The following PTPRQ variants were observed in gnomAD, a reference collection of about 807,000 sequenced individuals.
The protein encoded by PTPRQ is phosphatidylinositol phosphatase PTPRQ.
PTPRQ carries 199 observed loss-of-function variants against 246.0 expected under a neutral mutation model. That is an observed-to-expected ratio of 0.81 (90% CI 0.72 to 0.91). The LOEUF is 0.91. PTPRQ is among the 40% of genes least tolerant of loss of function. The pLI, the probability that PTPRQ is intolerant of heterozygous loss-of-function variation, is 0.00. For missense variants in PTPRQ, 2,624 were observed against 2,528.4 expected, an observed-to-expected ratio of 1.04 and a Z score of -0.81; for synonymous variants, 869 against 853.2, an observed-to-expected ratio of 1.02 and a Z score of -0.32.
intron 26 of PTPRQ, among the ~76,000 whole-genome samples, chr12:80,604,121 C>T (rs746736775): frequency 1.3e-5 from 2 of 151,382 alleles, no homozygotes; most frequent in East Asian, 1.9e-4. Context: ...ATATCTTCTC[C>T]GGATCTGTGG....
At chr12:80,469,269 T>A (rs1893547666) in intron 7 of PTPRQ, among the ~76,000 whole-genome samples, 1 of 152,190 alleles carries the variant, frequency 6.6e-6, no homozygotes, top group African/African-American at 2.4e-5. Flanking sequence ...AAAATCTCTG[T>A]ATCTTCTGCT....
At chr12:80,675,669 A>G (rs915490242) in intron 43 of PTPRQ, among the ~76,000 whole-genome samples, 3 of 152,196 alleles carry the variant, frequency 2.0e-5, no homozygotes, top group Non-Finnish European at 4.4e-5. Flanking sequence ...GAGTGTGTTC[A>G]AGAATGTCTG....
chr12:80,533,988 C>T (rs1044453547), intron 17 of PTPRQ, 27 bp from the exon 18 acceptor site: 1 of 1,423,402 alleles, frequency 7.0e-7, no homozygotes, highest in African/African-American at 1.5e-5. Flanking sequence ...AAATTCAATT[C>T]TACAGATAAT....
At chr12:80,513,715 C>CT (rs756478758) in intron 17 of PTPRQ, among the ~76,000 whole-genome samples, 14 of 152,112 alleles carry the variant, frequency 9.2e-5, no homozygotes, top group Non-Finnish European at 1.9e-4. Flanking sequence ...GTCACCTGAC[C>CT]TTTTTATGGA....
At position 80,457,600 on chromosome 12, in the gene PTPRQ, T is replaced by G. The variant is rs1893019660; in HGVS notation, c.416T>G (p.Ile139Ser). Reference sequence around the variant, plus strand: ...GTTGCTGCTGAAAACAGTGCTGGCATTGGAGTGTTTAGTGATCCATTTCTC... The same window carrying G: ...GTTGCTGCTGAAAACAGTGCTGGCAGTGGAGTGTTTAGTGATCCATTTCTC... ...IKVAAENSAG[I>S]GVFSDPFLFQ... The change falls in exon 4 of 45, where the codon ATT (isoleucine) becomes AGT (serine). Residue 139 changes from isoleucine to serine, a missense_variant. Transcript: ENST00000644991. The G allele has an allele frequency of 5.0e-6, 2 of 400,206 alleles. No homozygotes were observed. Among genetic ancestry groups the G allele is most frequent in the African/African-American group, 2.1e-5 (1 of 48,686 alleles). The allele number at this position is 400,206 out of a possible 1,614,324, so 24.8% of individuals were successfully genotyped here.
intron 25 of PTPRQ, among the ~76,000 whole-genome samples, chr12:80,553,134 A>G (rs1321704544): frequency 6.6e-6 from 1 of 152,118 alleles, no homozygotes; most frequent in Non-Finnish European, 1.5e-5. Context: ...TATTTTTCAT[A>G]GAGGTTTTTA....
At chr12:80,465,658 T>TTG in intron 6 of PTPRQ, 2 of 152,218 alleles carry the variant, frequency 1.3e-5, no homozygotes, top group Non-Finnish European at 2.9e-5. Flanking sequence ...TTATCCACCA[T>TTG]GATCAAGTGG....
In PTPRQ at chr12:80,445,334, T is replaced by C. The variant is rs527297905; in HGVS notation, c.164-157T>C. Among the ~76,000 whole-genome samples, 11 of 151,970 alleles carry C rather than the reference T, an allele frequency of 7.2e-5. No homozygotes were observed. The highest frequency in any genetic ancestry group is 3.9e-4 in the Admixed American group (6 of 15,202). On this transcript the variant is annotated intron_variant, in intron 2 of 44. Transcript: ENST00000644991. ...AAAGGAATGCTTTTGGTATTCCACATAGTATTTTTTTAATAGTAACAGAGC... is the reference window on the plus strand; with the variant it reads ...AAAGGAATGCTTTTGGTATTCCACACAGTATTTTTTTAATAGTAACAGAGC...
intron 25 of PTPRQ, among the ~76,000 whole-genome samples, chr12:80,566,865 G>T (rs1264902455): frequency 3.3e-5 from 5 of 152,218 alleles, no homozygotes; most frequent in Admixed American, 3.3e-4. Context: ...TAAAAATCAA[G>T]ATCACATTTT....
At chr12:80,506,507 C>G (rs1894964290) in intron 15 of PTPRQ, 62 bp from the exon 16 acceptor site, 2 of 1,289,354 alleles carry the variant, frequency 1.6e-6, no homozygotes, top group South Asian at 2.9e-5. Flanking sequence ...CATAGTTTGC[C>G]TCTTGCATAT....
At chr12:80,517,485 T>C (rs539833851) in intron 17 of PTPRQ, among the ~76,000 whole-genome samples, 2 of 152,246 alleles carry the variant, frequency 1.3e-5, no homozygotes, top group South Asian at 4.1e-4. Flanking sequence ...CCCTCAAGCA[T>C]TTGTCCTTAG....
At position 80,670,376 on chromosome 12, in the gene PTPRQ, C is replaced by A. The variant is rs1223811777; in HGVS notation, c.6486C>A (p.Asn2162Lys). The change falls in exon 42 of 45, where the codon AAC becomes AAA. Residue 2162 changes from asparagine to lysine, a missense_variant. Coordinates refer to ENST00000644991, the MANE Select transcript of PTPRQ (RefSeq NM_001145026.2). The part of the protein sequence containing the change: ...HGDCMTVRQC[N>K]FTAWPEHGVP... Reference sequence around the variant, plus strand: ...ATTGCATGACTGTTCGACAGTGTAACTTTACTGCCTGGCCAGAGCATGGGG... The same window carrying A: ...ATTGCATGACTGTTCGACAGTGTAAATTTACTGCCTGGCCAGAGCATGGGG... 1.3e-6 allele frequency: 2 copies of A among 1,550,996 alleles called. No individual in the cohort carries two copies. Among genetic ancestry groups the A allele is most frequent in the Admixed American group, 2.0e-5 (1 of 50,948 alleles).
At chr12:80,667,417 ATTTCTGAACAGCCTAT>A (rs1422238243) in intron 39 of PTPRQ, among the ~76,000 whole-genome samples, 2 of 151,972 alleles carry the variant, frequency 1.3e-5, no homozygotes, top group Non-Finnish European at 1.5e-5. Context: ...TGAATAACCT[ATTTCTGAACAGCCTAT>A]TTTCTGAAAA....
chr12:80,649,463 GTGT>G (rs1900185108), intron 36 of PTPRQ, 122 bp from the exon 37 acceptor site: 1 of 1,277,048 alleles, frequency 7.8e-7, no homozygotes, highest in Non-Finnish European at 1.0e-6. Context: ...TTAAAAAGCT[GTGT>G]TGTTTGTGAT....
intron 35 of PTPRQ, among the ~76,000 whole-genome samples, chr12:80,643,471 A>G (rs1370478186): frequency 6.6e-6 from 1 of 152,028 alleles, no homozygotes; most frequent in East Asian, 1.9e-4. Flanking sequence ...TCTATTACTC[A>G]CTTATGGTAT....
chr12:80,575,852 A>G (rs1001380073), intron 25 of PTPRQ, among the ~76,000 whole-genome samples: 2 of 150,778 alleles, frequency 1.3e-5, no homozygotes, highest in South Asian at 2.1e-4. Context: ...AAAAAAAAAA[A>G]AAAAAGAAAA....
Position 80,546,656 on chromosome 12 carries a change from A to T in PTPRQ, c.3974A>T (p.Asn1325Ile), listed in dbSNP as rs1007452174. Residue 1325 changes from asparagine (N) to isoleucine (I), a missense_variant, in exon 24 of 45, where the codon AAT becomes ATT. By Grantham distance (149) the Asn-to-Ile change is moderately radical (BLOSUM62 -3). Transcript: ENST00000644991. ...GCGTTCACCAAAGTTGGAAATGGCA[A>T]TCAATTTAGTAATGTAGTAAAATTC... Reference protein sequence around the residue: ...VSAFTKVGNGNQFSNVVKFTT... With the variant: ...VSAFTKVGNGIQFSNVVKFTT... 6.4e-7 allele frequency: 1 copy of T among 1,551,530 alleles called. No individual in the cohort carries two copies.
intron 7 of PTPRQ, among the ~76,000 whole-genome samples, chr12:80,471,094 C>T (rs533176390): frequency 2.0e-5 from 3 of 152,212 alleles, no homozygotes; most frequent in South Asian, 2.1e-4. Flanking sequence ...TAGTAGATTA[C>T]GACAACTGTG....
At chr12:80,446,667 G>A (rs370004538) in intron 3 of PTPRQ, among the ~76,000 whole-genome samples, 7 of 151,922 alleles carry the variant, frequency 4.6e-5, no homozygotes, top group African/African-American at 7.2e-5. Flanking sequence ...ACTTGTAAGT[G>A]AGAATGTGTG....
Sources: allele counts gnomAD v4.1 joint callset (sites outside exome capture counted in the v4.1 genomes callset), GRCh38; gene constraint gnomAD v4.1.1; transcripts MANE v1.5; gene names NCBI Gene and HGNC (gene_info 2026-07-23, HGNC 2026-07-21).